Variants in BRD10 observed in about 807,000 individuals in gnomAD.
BRD10 encodes the protein bromodomain containing 10.
the BRD10 span, among the ~76,000 whole-genome samples, chr9:5,975,607 T>C: frequency 2.0e-5 from 3 of 151,826 alleles, no homozygotes; most frequent in Non-Finnish European, 2.9e-5. Flanking sequence ...GAGATGAAAA[T>C]ACACAGAATG....
the BRD10 span, among the ~76,000 whole-genome samples, chr9:5,993,777 T>C: frequency 7.9e-5 from 12 of 152,198 alleles, no homozygotes; most frequent in Non-Finnish European, 2.9e-5. Flanking sequence ...GCATACCAGT[T>C]TGATCCTTAT....
chr9:5,906,260 G>A, the BRD10 span, among the ~76,000 whole-genome samples: 161 of 150,162 alleles, frequency 1.1e-3, 1 homozygote, highest in African/African-American at 3.8e-3. Context: ...AACCCAGGAC[G>A]CAGAGGTTGC....
the BRD10 span, among the ~76,000 whole-genome samples, chr9:5,958,226 C>T: frequency 6.6e-6 from 1 of 152,000 alleles, no homozygotes; most frequent in Non-Finnish European, 1.5e-5. Flanking sequence ...GAAAAGAATG[C>T]CCAACCTGAG....
At chr9:6,007,570 T>C in the BRD10 span, 16 of 1,611,006 alleles carry the variant, frequency 9.9e-6, no homozygotes, top group Non-Finnish European at 1.3e-5. Context: ...GGTCAGCTCC[T>C]GCTCCTTGCA....
chr9:5,990,563 T>C, the BRD10 span, among the ~76,000 whole-genome samples: 1 of 152,210 alleles, frequency 6.6e-6, no homozygotes, highest in African/African-American at 2.4e-5. Flanking sequence ...ACTTTCTAAA[T>C]CAGTATTTTC....
the BRD10 span, among the ~76,000 whole-genome samples, chr9:5,939,555 A>G: frequency 6.6e-6 from 1 of 152,230 alleles, no homozygotes; most frequent in East Asian, 1.9e-4. Flanking sequence ...AGTCTTAATT[A>G]GAAGTATATT....
At chr9:5,901,204 T>C in the BRD10 span, among the ~76,000 whole-genome samples, 1 of 152,126 alleles carries the variant, frequency 6.6e-6, no homozygotes, top group Admixed American at 6.5e-5. Flanking sequence ...TCAGTACACC[T>C]TTTATATCCT....
the BRD10 span, among the ~76,000 whole-genome samples, chr9:5,916,039 ATACC>A: frequency 6.6e-6 from 1 of 152,216 alleles, no homozygotes; most frequent in Non-Finnish European, 1.5e-5. Context: ...AAACTATGCT[ATACC>A]CTTCAACTTT....
At chr9:5,968,664 C>G in the BRD10 span, 2 of 1,613,810 alleles carry the variant, frequency 1.2e-6, no homozygotes, top group African/African-American at 1.3e-5. Context: ...CATCTATGTT[C>G]TCCATTACTT....
At chr9:5,929,825 CA>C in the BRD10 span, among the ~76,000 whole-genome samples, 1 of 152,132 alleles carries the variant, frequency 6.6e-6, no homozygotes, top group Non-Finnish European at 1.5e-5. Flanking sequence ...TTGTTATGTT[CA>C]CTTTACAAAT....
chr9:5,917,745 C>T, the BRD10 span, among the ~76,000 whole-genome samples: 1 of 152,144 alleles, frequency 6.6e-6, no homozygotes, highest in East Asian at 1.9e-4. Context: ...CCCAGCTACT[C>T]AGGAGGCTGA....
chr9:5,955,097 AT>A, the BRD10 span, among the ~76,000 whole-genome samples: 2 of 152,114 alleles, frequency 1.3e-5, no homozygotes, highest in African/African-American at 4.8e-5. Flanking sequence ...TCAAAAAAAA[AT>A]AATAATAAAA....
At chr9:5,925,152 A>G in the BRD10 span, among the ~76,000 whole-genome samples, 1 of 152,120 alleles carries the variant, frequency 6.6e-6, no homozygotes, top group South Asian at 2.1e-4. Context: ...TGAGCCCAGG[A>G]GTTTGAGACC....
chr9:5,984,422 A>G, the BRD10 span, among the ~76,000 whole-genome samples: 2 of 152,240 alleles, frequency 1.3e-5, no homozygotes, highest in Admixed American at 1.3e-4. Flanking sequence ...TAAATCCTAC[A>G]GAAACTACTT....
At chr9:5,951,450 T>C in the BRD10 span, among the ~76,000 whole-genome samples, 31 of 152,172 alleles carry the variant, frequency 2.0e-4, no homozygotes, top group African/African-American at 6.5e-4. Context: ...GGATCTATTA[T>C]CTATCCAAAA....
At chr9:5,991,616 G>T in the BRD10 span, among the ~76,000 whole-genome samples, 144,791 of 151,744 alleles carry the variant, frequency 0.95, 69,377 homozygotes, top group Non-Finnish European at 0.99. Context: ...TCCAAGCTAC[G>T]CGGGAGGCTG....
chr9:5,883,319 C>G, the BRD10 span, among the ~76,000 whole-genome samples: 1 of 152,146 alleles, frequency 6.6e-6, no homozygotes, highest in African/African-American at 2.4e-5. Flanking sequence ...ATGCAAGATT[C>G]TCCAAGGAAC....
At chr9:5,982,956 AT>A in the BRD10 span, among the ~76,000 whole-genome samples, 1 of 152,162 alleles carries the variant, frequency 6.6e-6, no homozygotes, top group African/African-American at 2.4e-5. Flanking sequence ...AAATTGTGGT[AT>A]TGTTATTTTT....
At chr9:5,906,567 G>C in the BRD10 span, among the ~76,000 whole-genome samples, 2 of 152,188 alleles carry the variant, frequency 1.3e-5, no homozygotes, top group African/African-American at 4.8e-5. Context: ...AATTTCACAA[G>C]AGTGTTCCTT....
Sources: gnomAD v4.1 joint callset for allele counts (sites outside exome capture counted in the v4.1 genomes callset) on GRCh38, gnomAD v4.1.1 for gene constraint, MANE v1.5 for transcripts, NCBI Gene and HGNC (gene_info 2026-07-23, HGNC 2026-07-21) for gene names.